The following PCDHB12 variants were observed in gnomAD, a reference collection of about 807,000 sequenced individuals.
PCDHB12 encodes the protein protocadherin beta-12.
For synonymous variants in PCDHB12, 560 were observed against 445.2 expected, an observed-to-expected ratio of 1.26 and a Z score of -3.24; for missense variants, 1,192 against 998.2, an observed-to-expected ratio of 1.19 and a Z score of -2.62.
At position 141,209,077 on chromosome 5, in the gene PCDHB12, G is replaced by C. The variant is rs782381535; in HGVS notation, c.170G>C (p.Ser57Thr). The C allele has an allele frequency of 1.1e-5, 17 of 1,613,254 alleles. No individual in the cohort carries two copies. The highest frequency in any genetic ancestry group is 1.4e-5 in the Non-Finnish European group (16 of 1,179,294). ...NLAKTLGLEVSELSSRGARVV... is the reference protein window; with the variant it reads ...NLAKTLGLEVTELSSRGARVV... ...GCAAAGACCCTGGGACTCGAGGTGA[G>C]TGAGCTGTCTTCGCGGGGGGCTCGG... The change falls in exon 1 of 1, where the codon AGT becomes ACT. Residue 57 changes from serine to threonine, a missense_variant. Transcript: ENST00000239450.
Position 141,209,524 on chromosome 5 carries a change from C to G in PCDHB12, c.617C>G (p.Pro206Arg), listed in dbSNP as rs782101105. 1.9e-6 allele frequency: 3 copies of G among 1,614,022 alleles called. No individual in the cohort carries two copies. The highest frequency in any genetic ancestry group is 2.5e-6 in the Non-Finnish European group (3 of 1,180,050). ...LDKALDYEER[P>R]ELSFILTALD... ...AAGGCGCTGGATTATGAAGAGCGCC[C>G]GGAGCTCAGTTTCATCCTCACTGCT... Residue 206 changes from proline (P) to arginine (R), a missense_variant, in exon 1 of 1, where the codon CCG becomes CGG. Transcript: ENST00000239450.
At position 141,209,209 on chromosome 5, in the gene PCDHB12, C is replaced by T; in HGVS notation, c.302C>T (p.Pro101Leu). The T allele has an allele frequency of 6.2e-7, 1 of 1,614,126 alleles. No homozygotes were observed. Among genetic ancestry groups the T allele is most frequent in the South Asian group, 1.1e-5 (1 of 91,082 alleles). Residue 101 changes from proline to leucine, a missense_variant, in exon 1 of 1, where the codon CCT becomes CTT. By Grantham distance (98) the Pro-to-Leu change is moderately conservative. Coordinates refer to ENST00000239450, the MANE Select transcript of PCDHB12 (RefSeq NM_018932.4). ...DREELCGSNE[P>L]CVLYFQVLMK... is the part of the protein sequence containing the mutation. Reference sequence around the variant, plus strand: ...GAGGAGCTCTGTGGCTCCAATGAGCCTTGTGTGCTGTATTTCCAAGTGTTA... The same window carrying T: ...GAGGAGCTCTGTGGCTCCAATGAGCTTTGTGTGCTGTATTTCCAAGTGTTA...
At position 141,209,238 on chromosome 5, in the gene PCDHB12, A is replaced by T. The variant is rs187438401; in HGVS notation, c.331A>T (p.Lys111Ter). The change falls in exon 1 of 1, where the codon AAA (lysine) becomes TAA (stop). Residue 111 changes from lysine (K) to a stop codon, truncating the protein, a stop_gained. Coordinates refer to ENST00000239450, the MANE Select transcript of PCDHB12 (RefSeq NM_018932.4). LOFTEE classifies it low-confidence loss of function (END_TRUNC). Reference protein sequence around the residue: ...PCVLYFQVLMKNPTQFLQIEL... With the variant: ...PCVLYFQVLM ...TGTGCTGTATTTCCAAGTGTTAATGAAAAACCCCACGCAGTTTTTACAAAT... is the reference window on the plus strand; with the variant it reads ...TGTGCTGTATTTCCAAGTGTTAATGTAAAACCCCACGCAGTTTTTACAAAT... 26 of 1,614,190 alleles carry T rather than the reference A, an allele frequency of 1.6e-5. No homozygotes were observed. The Admixed American group carries it at 2.2e-4, about 13-fold the overall frequency.
rs1554287074 is a variant in PCDHB12, at chr5:141,210,921, C to T, written c.2014C>T (p.Pro672Ser). 2.5e-6 allele frequency: 4 copies of T among 1,610,636 alleles called. No individual in the cohort carries two copies. The highest frequency in any genetic ancestry group is 1.7e-5 in the Admixed American group (1 of 60,012). The change falls in exon 1 of 1, where the codon CCT (proline) becomes TCT (serine). Residue 672 changes from proline to serine, a missense_variant. By Grantham distance (74) the Pro-to-Ser change is moderately conservative. Transcript: ENST00000239450. ...LVDGFSQPYLPLPEAAPAQAQ... is the reference protein window; with the variant it reads ...LVDGFSQPYLSLPEAAPAQAQ... ...GGACGGCTTCTCCCAGCCCTACCTG[C>T]CTCTCCCGGAGGCGGCCCCGGCCCA...
chr5:141,209,143 C>A lies in PCDHB12; in HGVS notation c.236C>A (p.Thr79Lys), dbSNP rs533812295. Residue 79 changes from threonine (T) to lysine (K), a missense_variant, in exon 1 of 1, where the codon ACA becomes AAA. Thr to Lys is a moderately conservative substitution (Grantham distance 78). Transcript: ENST00000239450. ...AACAAAGAGTGTTTGCAGCTGGACA[C>A]AAACACTGGGGATTTGCTCCTGAGA... ...NDNKECLQLD[T>K]NTGDLLLREM... The A allele has an allele frequency of 1.2e-6, 2 of 1,614,102 alleles. No homozygotes were observed. Among genetic ancestry groups the A allele is most frequent in the South Asian group, 1.1e-5 (1 of 91,072 alleles).
rs1326556391 is a variant in PCDHB12, at chr5:141,208,850, T to A, written c.-58T>A. On this transcript the variant is annotated 5_prime_UTR_variant, in exon 1 of 1. Transcript: ENST00000239450. ...AGATCAGAGGCACGTTTCCCACAACTGCGAAGAGGCGCTGAGGCAATTCTG... is the reference window on the plus strand; with the variant it reads ...AGATCAGAGGCACGTTTCCCACAACAGCGAAGAGGCGCTGAGGCAATTCTG... 2.0e-5 allele frequency: 29 copies of A among 1,457,160 alleles called. No individual in the cohort carries two copies. The highest frequency in any genetic ancestry group is 2.5e-5 in the Non-Finnish European group (27 of 1,086,172). 90.3% of individuals were successfully genotyped at this position (1,457,160 alleles called of 1,614,324 possible). A position where few individuals can be genotyped will look rare whatever the true frequency, so the allele number is the denominator to read the frequency against.
rs145315035 is a variant in PCDHB12, at chr5:141,210,318, G to A, written c.1411G>A (p.Gly471Ser). The A allele has an allele frequency of 5.6e-6, 9 of 1,613,232 alleles. No individual in the cohort carries two copies. Among genetic ancestry groups the A allele is most frequent in the Non-Finnish European group, 6.8e-6 (8 of 1,180,052 alleles). The change falls in exon 1 of 1, where the codon GGC becomes AGC. Residue 471 changes from glycine (G) to serine (S), a missense_variant. Coordinates refer to ENST00000239450, the MANE Select transcript of PCDHB12 (RefSeq NM_018932.4). ...GAACAACAGCCCCGCCCTGCACATC[G>A]GCAGCATCAGCGCCACAGACAGAGA... ...RENNSPALHIGSISATDRDSG... is the reference protein window; with the variant it reads ...RENNSPALHISSISATDRDSG...
chr5:141,211,700 T>A lies in PCDHB12; in HGVS notation c.*405T>A, dbSNP rs377487403. 4.4e-6 allele frequency: 1 copy of A among 228,264 alleles called. No individual in the cohort carries two copies. Among genetic ancestry groups the A allele is most frequent in the African/African-American group, 2.4e-5 (1 of 42,156 alleles). The allele number at this position is 228,264 out of a possible 1,614,324, so 14.1% of individuals were successfully genotyped here. On this transcript the variant is annotated 3_prime_UTR_variant, in exon 1 of 1. Coordinates refer to ENST00000239450, the MANE Select transcript of PCDHB12 (RefSeq NM_018932.4). ...TAAACTTTATTTTTTTAAAAAAAGT[T>A]GTTTTATGAATCATACACTATTTTC... is the stretch of plus-strand genomic sequence containing the variant.
In PCDHB12 at chr5:141,209,219, G is replaced by C; in HGVS notation, c.312G>C (p.Leu104=). The C allele has an allele frequency of 6.2e-7, 1 of 1,614,194 alleles. No individual in the cohort carries two copies. The highest frequency in any genetic ancestry group is 8.5e-7 in the Non-Finnish European group (1 of 1,180,042). ...ELCGSNEPCV[L]YFQVLMKNPT... is the part of the protein sequence containing the mutation. ...GTGGCTCCAATGAGCCTTGTGTGCT[G>C]TATTTCCAAGTGTTAATGAAAAACC... The change falls in exon 1 of 1, where the codon CTG becomes CTC. Residue 104 remains leucine (L), a synonymous_variant. Transcript: ENST00000239450.
Position 141,209,150 on chromosome 5 carries a change from T to C in PCDHB12, c.243T>C (p.Thr81=). The change falls in exon 1 of 1, where the codon ACT becomes ACC. Residue 81 remains threonine, a synonymous_variant. Coordinates refer to ENST00000239450, the MANE Select transcript of PCDHB12 (RefSeq NM_018932.4). Reference sequence around the variant, plus strand: ...AGTGTTTGCAGCTGGACACAAACACTGGGGATTTGCTCCTGAGAGAAATGC... The same window carrying C: ...AGTGTTTGCAGCTGGACACAAACACCGGGGATTTGCTCCTGAGAGAAATGC... The part of the protein sequence containing the change: ...NKECLQLDTN[T]GDLLLREMLD... 1 of 1,614,144 alleles carries C rather than the reference T, an allele frequency of 6.2e-7. No individual in the cohort carries two copies. The highest frequency in any genetic ancestry group is 1.1e-5 in the South Asian group (1 of 91,080).
rs781923772 is a variant in PCDHB12 at position 141,210,267 on chromosome 5, A to G, written c.1360A>G (p.Thr454Ala). ...TGACAACGCCCCCGCCTTCACCCAA[A>G]CTTCCTACGCCCTGTTCGTCCGCGA... ...VNDNAPAFTQ[T>A]SYALFVRENN... The change falls in exon 1 of 1, where the codon ACT becomes GCT. Residue 454 changes from threonine (T) to alanine (A), a missense_variant. Physicochemically the swap from Thr to Ala is moderately conservative, Grantham distance 58. Coordinates refer to ENST00000239450, the MANE Select transcript of PCDHB12 (RefSeq NM_018932.4). 3 of 1,613,746 alleles carry G rather than the reference A, an allele frequency of 1.9e-6. No individual in the cohort carries two copies. Among genetic ancestry groups the G allele is most frequent in the African/African-American group, 1.3e-5 (1 of 74,868 alleles).
At position 141,209,468 on chromosome 5, in the gene PCDHB12, C is replaced by CA; in HGVS notation, c.563dup (p.Asn188LysfsTer2). 1 of 1,614,174 alleles carries CA rather than the reference C, an allele frequency of 6.2e-7. No individual in the cohort carries two copies. Among genetic ancestry groups the CA allele is most frequent in the East Asian group, 2.2e-5 (1 of 44,870 alleles). ...ACGTTAAAATAAGAGTCAATCCAGACAATAGGAAATACCCTGAGTTAGTTC... is the reference window on the plus strand; with the variant it reads ...ACGTTAAAATAAGAGTCAATCCAGACAAATAGGAAATACCCTGAGTTAGTTC... On this transcript the variant is annotated frameshift_variant, in exon 1 of 1. Coordinates refer to ENST00000239450, the MANE Select transcript of PCDHB12 (RefSeq NM_018932.4). LOFTEE classifies it low-confidence loss of function (END_TRUNC).
Position 141,210,939 on chromosome 5 carries a change from C to A in PCDHB12, c.2032C>A (p.Pro678Thr), listed in dbSNP as rs1554287087. The change falls in exon 1 of 1, where the codon CCG becomes ACG. Residue 678 changes from proline (P) to threonine (T), a missense_variant. By Grantham distance (38) the Pro-to-Thr change is conservative. Transcript: ENST00000239450. Reference sequence around the variant, plus strand: ...CTACCTGCCTCTCCCGGAGGCGGCCCCGGCCCAGGCCCAGGCCGACTCGCT... The same window carrying A: ...CTACCTGCCTCTCCCGGAGGCGGCCACGGCCCAGGCCCAGGCCGACTCGCT... The part of the protein sequence containing the change: ...QPYLPLPEAA[P>T]AQAQADSLTV... The A allele has an allele frequency of 1.9e-6, 3 of 1,611,506 alleles. No homozygotes were observed. The highest frequency in any genetic ancestry group is 1.7e-5 in the Admixed American group (1 of 60,016).
In PCDHB12 at chr5:141,209,547, G is replaced by T. The variant is rs1754382097; in HGVS notation, c.640G>T (p.Ala214Ser). The change falls in exon 1 of 1, where the codon GCT (alanine) becomes TCT (serine). Residue 214 changes from alanine (A) to serine (S), a missense_variant. Transcript: ENST00000239450. ...ERPELSFILT[A>S]LDGGSPPRSG... ...CCCGGAGCTCAGTTTCATCCTCACT[G>T]CTCTGGATGGCGGGTCCCCTCCCAG... The T allele has an allele frequency of 6.2e-7, 1 of 1,614,188 alleles. No homozygotes were observed. Among genetic ancestry groups the T allele is most frequent in the Non-Finnish European group, 8.5e-7 (1 of 1,180,034 alleles).
Position 141,209,508 on chromosome 5 carries a change from G to C in PCDHB12, c.601G>C (p.Asp201His). The C allele has an allele frequency of 6.2e-7, 1 of 1,614,210 alleles. No individual in the cohort carries two copies. Among genetic ancestry groups the C allele is most frequent in the Non-Finnish European group, 8.5e-7 (1 of 1,180,042 alleles). The part of the protein sequence containing the change: ...YPELVLDKAL[D>H]YEERPELSFI... ...TGAGTTAGTTCTGGACAAGGCGCTG[G>C]ATTATGAAGAGCGCCCGGAGCTCAG... The change falls in exon 1 of 1, where the codon GAT becomes CAT. Residue 201 changes from aspartate (D) to histidine (H), a missense_variant. Asp to His is a moderately conservative substitution (Grantham distance 81, BLOSUM62 -1). Coordinates refer to ENST00000239450, the MANE Select transcript of PCDHB12 (RefSeq NM_018932.4).
Position 141,211,394 on chromosome 5 carries a change from C to A in PCDHB12, c.*99C>A. The A allele has an allele frequency of 8.7e-7, 1 of 1,153,884 alleles. No individual in the cohort carries two copies. Among genetic ancestry groups the A allele is most frequent in the Non-Finnish European group, 1.3e-6 (1 of 795,828 alleles). The allele number at this position is 1,153,884 out of a possible 1,614,324, so 71.5% of individuals were successfully genotyped here. On this transcript the variant is annotated 3_prime_UTR_variant, in exon 1 of 1. Coordinates refer to ENST00000239450, the MANE Select transcript of PCDHB12 (RefSeq NM_018932.4). ...GTAGTATTTTTGATCACTTCAAATA[C>A]ATACTCTTCAAGTCAAGAAATAAAT... is the stretch of plus-strand genomic sequence containing the variant.
rs532396499 is a variant in PCDHB12 at position 141,210,516 on chromosome 5, G to C, written c.1609G>C (p.Gly537Arg). The change falls in exon 1 of 1, where the codon GGC becomes CGC. Residue 537 changes from glycine to arginine, a missense_variant. By Grantham distance (125) the Gly-to-Arg change is moderately radical (BLOSUM62 -2). Transcript: ENST00000239450. ...FQFRVGATDHGSPALSSEALV... is the reference protein window; with the variant it reads ...FQFRVGATDHRSPALSSEALV... ...GTTCCGCGTGGGCGCCACAGACCAC[G>C]GCTCCCCGGCTTTGAGCAGCGAGGC... 5.6e-6 allele frequency: 9 copies of C among 1,612,220 alleles called. No homozygotes were observed. The highest frequency in any genetic ancestry group is 3.3e-5 in the South Asian group (3 of 90,996).
Position 141,209,873 on chromosome 5 carries a change from A to T in PCDHB12, c.966A>T (p.Thr322=). ...CATACTCAATAATCATTCAAGCCAC[A>T]GATGGGGGAGGACTTTTTGGAAAAT... ...IESYSIIIQA[T]DGGGLFGKST... is the part of the protein sequence containing the mutation. Residue 322 remains threonine (T), a synonymous_variant, in exon 1 of 1, where the codon ACA becomes ACT. Coordinates refer to ENST00000239450, the MANE Select transcript of PCDHB12 (RefSeq NM_018932.4). 1 of 1,614,244 alleles carries T rather than the reference A, an allele frequency of 6.2e-7. No individual in the cohort carries two copies. The highest frequency in any genetic ancestry group is 8.5e-7 in the Non-Finnish European group (1 of 1,180,036).
At position 141,210,483 on chromosome 5, in the gene PCDHB12, G is replaced by T; in HGVS notation, c.1576G>T (p.Gly526Trp). The change falls in exon 1 of 1, where the codon GGG becomes TGG. Residue 526 changes from glycine to tryptophan, a missense_variant. Transcript: ENST00000239450. Reference protein sequence around the residue: ...LRSLDYEALQGFQFRVGATDH... With the variant: ...LRSLDYEALQWFQFRVGATDH... Reference sequence around the variant, plus strand: ...GTCGCTGGACTACGAGGCCCTGCAGGGGTTCCAGTTCCGCGTGGGCGCCAC... The same window carrying T: ...GTCGCTGGACTACGAGGCCCTGCAGTGGTTCCAGTTCCGCGTGGGCGCCAC... The T allele has an allele frequency of 3.1e-6, 5 of 1,612,726 alleles. No individual in the cohort carries two copies. Among genetic ancestry groups the T allele is most frequent in the Non-Finnish European group, 1.7e-6 (2 of 1,179,878 alleles).
Sources: gnomAD v4.1 joint callset for allele counts on GRCh38, gnomAD v4.1.1 for gene constraint, MANE v1.5 for transcripts, NCBI Gene and HGNC (gene_info 2026-07-23, HGNC 2026-07-21) for gene names.